The following DCDC2 variants were observed in gnomAD, a reference collection of about 807,000 sequenced individuals.
The protein encoded by DCDC2 is doublecortin domain containing 2.
Under a neutral mutation model 50.2 loss-of-function variants are expected in DCDC2, and 40 were observed. The observed-to-expected ratio is 0.80, with a 90% CI of 0.62 to 1.04. DCDC2 has a LOEUF of 1.04. DCDC2 is among the 50% of genes least tolerant of loss of function. DCDC2 has a pLI of 0.00. For synonymous variants in DCDC2, 234 were observed against 210.6 expected (o/e 1.11, Z -0.96); for missense variants, 570 against 581.9 (o/e 0.98, Z 0.21).
At chr6:24,230,081 A>C (rs930748481) in intron 7 of DCDC2, among the ~76,000 whole-genome samples, 1 of 152,228 alleles carries the variant, frequency 6.6e-6, no homozygotes, top group Non-Finnish European at 1.5e-5. Flanking sequence ...ACCATTAGGA[A>C]AACTTAAAAC....
chr6:24,313,077 T>G (rs568962522), intron 2 of DCDC2, among the ~76,000 whole-genome samples: 4 of 152,332 alleles, frequency 2.6e-5, no homozygotes, highest in African/African-American at 9.6e-5. Flanking sequence ...TTTCTCTTTA[T>G]TGTTTTCTGT....
At chr6:24,326,407 A>C (rs1759865909) in intron 2 of DCDC2, among the ~76,000 whole-genome samples, 1 of 149,208 alleles carries the variant, frequency 6.7e-6, no homozygotes, top group African/African-American at 2.4e-5. Flanking sequence ...TCAAAAATTT[A>C]AAATTTACTA....
At position 24,173,502 on chromosome 6, in the gene DCDC2, C is replaced by T. The variant is rs371980326; in HGVS notation, c.*1228G>A. Reference sequence around the variant, plus strand: ...TATGGAAGAACATCTCTTAAGAATTCATAAAAAGGACGAAATTATGTTTTA... The same window carrying T: ...TATGGAAGAACATCTCTTAAGAATTTATAAAAAGGACGAAATTATGTTTTA... On this transcript the variant is annotated 3_prime_UTR_variant, in exon 10 of 10. Coordinates refer to ENST00000378454, the MANE Select transcript of DCDC2 (RefSeq NM_016356.5). 2 of 152,052 alleles carry T rather than the reference C, an allele frequency of 1.3e-5. No individual in the cohort carries two copies. Among genetic ancestry groups the T allele is most frequent in the Non-Finnish European group, 2.9e-5 (2 of 67,978 alleles). 9.4% of individuals were successfully genotyped at this position (152,052 alleles called of 1,614,324 possible).
chr6:24,369,331 G>C, the DCDC2 span, among the ~76,000 whole-genome samples: 1 of 151,920 alleles, frequency 6.6e-6, no homozygotes, highest in African/African-American at 2.4e-5. Context: ...TTCTGAGCCC[G>C]GGCTCAGTGG....
intron 7 of DCDC2, among the ~76,000 whole-genome samples, chr6:24,220,438 A>G (rs1762074151): frequency 1.3e-5 from 2 of 152,220 alleles, no homozygotes; most frequent in Non-Finnish European, 1.5e-5. Flanking sequence ...AAGAAATGGA[A>G]AAAGACATAT....
In DCDC2 at chr6:24,205,069, G is replaced by C; in HGVS notation, c.956C>G (p.Ser319Cys). 1 of 1,614,092 alleles carries C rather than the reference G, an allele frequency of 6.2e-7. No homozygotes were observed. The highest frequency in any genetic ancestry group is 2.2e-5 in the East Asian group (1 of 44,882). Residue 319 changes from serine to cysteine, a missense_variant, in exon 8 of 10, where the codon TCT becomes TGT. Coordinates refer to ENST00000378454, the MANE Select transcript of DCDC2 (RefSeq NM_016356.5). ...EGIFKAGAER[S>C]ETRGAAEVQE... is the part of the protein sequence containing the mutation. ...GACTTCTGCTGCCCCCCGTGTTTCAGACCTCTCTGCTCCAGCTTTGAAAAT... is the reference window on the plus strand; with the variant it reads ...GACTTCTGCTGCCCCCCGTGTTTCACACCTCTCTGCTCCAGCTTTGAAAAT...
At chr6:24,219,262 A>C (rs1019577002) in intron 7 of DCDC2, among the ~76,000 whole-genome samples, 1 of 152,226 alleles carries the variant, frequency 6.6e-6, no homozygotes, top group Non-Finnish European at 1.5e-5. Context: ...ATATAAGTTA[A>C]TAATGATGAT....
chr6:24,218,695 C>T (rs900023794), intron 7 of DCDC2, among the ~76,000 whole-genome samples: 1 of 152,282 alleles, frequency 6.6e-6, no homozygotes, highest in Admixed American at 6.5e-5. Flanking sequence ...CCCTACATTG[C>T]CCAGGCTGGT....
intron 7 of DCDC2, among the ~76,000 whole-genome samples, chr6:24,270,247 G>A (rs924837697): frequency 6.6e-6 from 1 of 152,078 alleles, no homozygotes; most frequent in Non-Finnish European, 1.5e-5. Context: ...TTGACTCTGG[G>A]CAAACTGGTT....
chr6:24,334,774 G>T (rs1039427097), intron 2 of DCDC2, among the ~76,000 whole-genome samples: 1 of 152,164 alleles, frequency 6.6e-6, no homozygotes, highest in Non-Finnish European at 1.5e-5. Context: ...TGTTGCTCCA[G>T]CAACTCTAAA....
intron 7 of DCDC2, among the ~76,000 whole-genome samples, chr6:24,225,131 C>T (rs1222220626): frequency 2.0e-5 from 3 of 152,086 alleles, no homozygotes; most frequent in South Asian, 2.1e-4. Flanking sequence ...CCCTCCCATA[C>T]CCAGATTTTT....
intron 8 of DCDC2, among the ~76,000 whole-genome samples, chr6:24,185,688 TACACACACACACACACACAC>T (rs35379687): frequency 1.9e-4 from 27 of 144,508 alleles, no homozygotes; most frequent in East Asian, 6.0e-4. Context: ...TCCATACACA[TACACACACACACACACACAC>T]ACACACACAC....
chr6:24,289,374 CA>C (rs1763689396), intron 5 of DCDC2, among the ~76,000 whole-genome samples: 1 of 152,136 alleles, frequency 6.6e-6, no homozygotes, highest in Non-Finnish European at 1.5e-5. Context: ...TCGTCCTCAC[CA>C]AAAAGTTAAA....
At chr6:24,196,993 G>A (rs908119161) in intron 8 of DCDC2, among the ~76,000 whole-genome samples, 2 of 152,180 alleles carry the variant, frequency 1.3e-5, no homozygotes, top group Non-Finnish European at 2.9e-5. Flanking sequence ...GCTGTAACCT[G>A]ACTTCATAAG....
At chr6:24,201,715 C>A (rs983994320) in intron 8 of DCDC2, among the ~76,000 whole-genome samples, 1 of 152,118 alleles carries the variant, frequency 6.6e-6, no homozygotes, top group Non-Finnish European at 1.5e-5. Context: ...CATCCAGGAG[C>A]TGGTTTTTTG....
At chr6:24,288,068 T>C (rs1763651824) in intron 6 of DCDC2, among the ~76,000 whole-genome samples, 2 of 152,202 alleles carry the variant, frequency 1.3e-5, no homozygotes, top group Non-Finnish European at 2.9e-5. Context: ...GGGATCTAAA[T>C]CATTAGGAGA....
the DCDC2 span, among the ~76,000 whole-genome samples, chr6:24,370,870 T>G: frequency 8.5e-5 from 13 of 152,102 alleles, no homozygotes; most frequent in African/African-American, 2.7e-4. Context: ...GATGAATGGT[T>G]AGAGCACAAA....
chr6:24,297,443 T>C (rs1049304202), intron 4 of DCDC2, among the ~76,000 whole-genome samples: 1 of 152,196 alleles, frequency 6.6e-6, no homozygotes, highest in Admixed American at 6.5e-5. Flanking sequence ...AACCTGCACA[T>C]GTACCCGTGA....
At chr6:24,205,320 A>G (rs1244315566) in intron 7 of DCDC2, 1 of 1,528,130 alleles carries the variant, frequency 6.5e-7, no homozygotes, top group South Asian at 1.3e-5. Flanking sequence ...AGGCTGACCC[A>G]GCAGGGTAAA....
Sources: allele counts gnomAD v4.1 joint callset (sites outside exome capture counted in the v4.1 genomes callset), GRCh38; gene constraint gnomAD v4.1.1; transcripts MANE v1.5; gene names NCBI Gene and HGNC (gene_info 2026-07-23, HGNC 2026-07-21).